RAB3C: variants seen among roughly 807,000 people sequenced by gnomAD.
RAB3C encodes the protein ras-related protein Rab-3C.
In RAB3C, 17 loss-of-function variants were observed where a neutral mutation model predicts 26.4. The ratio of observed to expected loss-of-function variants is 0.64; its 90% CI spans 0.44 to 0.97. The LOEUF (loss-of-function observed/expected upper bound fraction) is 0.97. Among genes scored for constraint, RAB3C ranks in the 50% least tolerant of loss-of-function variants. The pLI, the probability that RAB3C is intolerant of heterozygous loss-of-function variation, is 0.00. For synonymous variants in RAB3C, 91 were observed against 95.9 expected (o/e 0.95, Z 0.30); for missense variants, 242 against 281.9 (o/e 0.86, Z 1.01).
chr5:58,582,322 A>G, upstream of RAB3C: 1 of 843,898 alleles, frequency 1.2e-6, no homozygotes, highest in Non-Finnish European at 1.4e-6. Flanking sequence ...TTTTCATTTT[A>G]GCCCCGCTTC....
At chr5:58,801,769 A>G (rs1463193253) in intron 3 of RAB3C, among the ~76,000 whole-genome samples, 3 of 152,252 alleles carry the variant, frequency 2.0e-5, no homozygotes, top group Non-Finnish European at 2.9e-5. Flanking sequence ...TTGTAATACC[A>G]GGACCACTTT....
intron 2 of RAB3C, among the ~76,000 whole-genome samples, chr5:58,655,906 C>T (rs1561280202): frequency 2.0e-5 from 3 of 150,502 alleles, no homozygotes; most frequent in South Asian, 2.1e-4. Context: ...CGCCTTTCTC[C>T]TGCCTCAGCC....
chr5:58,594,140 CA>C (rs557647921), intron 1 of RAB3C, among the ~76,000 whole-genome samples: 158 of 152,274 alleles, frequency 1.0e-3, no homozygotes, highest in African/African-American at 3.5e-3. Flanking sequence ...TGCTAGCCAC[CA>C]AGTGGCTTGG....
At chr5:58,627,504 A>C (rs1747082731) in intron 2 of RAB3C, among the ~76,000 whole-genome samples, 1 of 60,536 alleles carries the variant, frequency 1.7e-5, no homozygotes, top group Non-Finnish European at 2.9e-5. Flanking sequence ...AAAAAAAAAA[A>C]AAAAAAAAAA....
At chr5:58,652,287 C>T (rs986765871) in intron 2 of RAB3C, among the ~76,000 whole-genome samples, 8 of 150,926 alleles carry the variant, frequency 5.3e-5, no homozygotes, top group East Asian at 2.0e-4. Flanking sequence ...GTATATGGAG[C>T]GTCTATATAC....
At chr5:58,785,565 T>A (rs436555) in intron 3 of RAB3C, among the ~76,000 whole-genome samples, 119,352 of 152,200 alleles carry the variant, frequency 0.78, 46,962 homozygotes, top group African/African-American at 0.83. Context: ...GTATGAGAGG[T>A]GGCTAGAGAA....
At chr5:58,720,780 G>A (rs1409055635) in intron 2 of RAB3C, among the ~76,000 whole-genome samples, 1 of 151,610 alleles carries the variant, frequency 6.6e-6, no homozygotes, top group African/African-American at 2.4e-5. Context: ...TCTCTGTCTA[G>A]GTATCCAATA....
intron 2 of RAB3C, among the ~76,000 whole-genome samples, chr5:58,673,975 A>G (rs1197211495): frequency 6.6e-6 from 1 of 152,238 alleles, no homozygotes; most frequent in Non-Finnish European, 1.5e-5. Context: ...ACATAAATCA[A>G]TCAATAATTG....
chr5:58,732,878 C>T (rs796323492), intron 3 of RAB3C, among the ~76,000 whole-genome samples: 3 of 152,224 alleles, frequency 2.0e-5, no homozygotes, highest in African/African-American at 7.2e-5. Flanking sequence ...CTTCTCATAC[C>T]TCTGGGTCTC....
chr5:58,722,623 T>C (rs1740796631), intron 2 of RAB3C, among the ~76,000 whole-genome samples: 1 of 151,870 alleles, frequency 6.6e-6, no homozygotes, highest in Non-Finnish European at 1.5e-5. Flanking sequence ...GCTTTGCTTA[T>C]GCTTTTCATT....
chr5:58,606,692 G>A (rs1373139184), intron 1 of RAB3C, among the ~76,000 whole-genome samples: 1 of 152,212 alleles, frequency 6.6e-6, no homozygotes, highest in African/African-American at 2.4e-5. Context: ...GAAACTTCCA[G>A]AGGAAGGATC....
chr5:58,707,229 C>T lies in RAB3C; in HGVS notation c.253-18773C>T, dbSNP rs572266680. Reference sequence around the variant, plus strand: ...AGATTAACAGTAGTTTGTAATCACACCTTTTTTAAAAAGGACATCCAAAAA... The same window carrying T: ...AGATTAACAGTAGTTTGTAATCACATCTTTTTTAAAAAGGACATCCAAAAA... On this transcript the variant is annotated intron_variant, in intron 2 of 4. Coordinates refer to ENST00000282878, the MANE Select transcript of RAB3C (RefSeq NM_138453.4). Among the ~76,000 whole-genome samples, 6 of 152,202 alleles carry T rather than the reference C, an allele frequency of 3.9e-5. No homozygotes were observed. The South Asian group carries it at 1.2e-3, about 32-fold the overall frequency.
chr5:58,586,786 T>C (rs992281550), intron 1 of RAB3C, among the ~76,000 whole-genome samples: 1 of 152,124 alleles, frequency 6.6e-6, no homozygotes, highest in African/African-American at 2.4e-5. Flanking sequence ...ACTATAGATG[T>C]AGGCTGAAGA....
intron 3 of RAB3C, among the ~76,000 whole-genome samples, chr5:58,784,255 A>G (rs1213997490): frequency 6.6e-6 from 1 of 152,204 alleles, no homozygotes; most frequent in Non-Finnish European, 1.5e-5. Context: ...CATGCTGCTA[A>G]TACATACCTG....
intron 2 of RAB3C, among the ~76,000 whole-genome samples, chr5:58,624,444 G>T (rs745965125): frequency 1.1e-4 from 16 of 152,316 alleles, no homozygotes; most frequent in African/African-American, 3.6e-4. Flanking sequence ...GATTGATACT[G>T]TTGGGGCTTG....
At chr5:58,690,125 A>G (rs1579859384) in intron 2 of RAB3C, among the ~76,000 whole-genome samples, 1 of 152,302 alleles carries the variant, frequency 6.6e-6, no homozygotes, top group East Asian at 1.9e-4. Context: ...TTGAGAAGCA[A>G]CAGGAAAAGC....
At chr5:58,775,710 AC>A (rs1742117430) in intron 3 of RAB3C, among the ~76,000 whole-genome samples, 1 of 152,216 alleles carries the variant, frequency 6.6e-6, no homozygotes, top group African/African-American at 2.4e-5. Context: ...TTTTTAAAAT[AC>A]CTATAGACCA....
At position 58,699,885 on chromosome 5, in the gene RAB3C, T is replaced by C. The variant is rs372271991; in HGVS notation, c.253-26117T>C. ...GTAGTTTGTCACTGCTTCCCTTGGC[T>C]AGGAAAGGGAAATCCCCTGACCCCG... On this transcript the variant is annotated intron_variant, in intron 2 of 4. Coordinates refer to ENST00000282878, the MANE Select transcript of RAB3C (RefSeq NM_138453.4). Among the ~76,000 whole-genome samples, 78 of 152,298 alleles carry C rather than the reference T, an allele frequency of 5.1e-4. 2 individuals carry two copies. The East Asian group carries it at 0.013, about 25-fold the overall frequency.
chr5:58,769,144 G>A (rs1464333918), intron 3 of RAB3C, among the ~76,000 whole-genome samples: 1 of 152,078 alleles, frequency 6.6e-6, no homozygotes, highest in Non-Finnish European at 1.5e-5. Flanking sequence ...GGTAGATGAT[G>A]GCAGCAGTAA....
Sources: gnomAD v4.1 joint callset for allele counts (sites outside exome capture counted in the v4.1 genomes callset) on GRCh38, gnomAD v4.1.1 for gene constraint, MANE v1.5 for transcripts, NCBI Gene and HGNC (gene_info 2026-07-23, HGNC 2026-07-21) for gene names.